LRRTM4: variants seen among roughly 807,000 people sequenced by gnomAD.
The protein encoded by LRRTM4 is leucine rich repeat transmembrane neuronal 4, also known as leucine-rich repeat transmembrane neuronal protein 4.
Under a neutral mutation model 47.6 loss-of-function variants are expected in LRRTM4, and 25 were observed. That is an observed-to-expected ratio of 0.53 (90% CI 0.38 to 0.73). The LOEUF is 0.73. LRRTM4 is among the 30% of genes least tolerant of loss of function. The pLI is 0.00. For synonymous variants in LRRTM4, 311 were observed against 269.5 expected, an observed-to-expected ratio of 1.15 and a Z score of -1.51; for missense variants, 638 against 713.4, an observed-to-expected ratio of 0.89 and a Z score of 1.20.
intron 3 of LRRTM4, among the ~76,000 whole-genome samples, chr2:76,913,415 T>C (rs748094214): frequency 4.6e-5 from 7 of 152,132 alleles, no homozygotes; most frequent in Non-Finnish European, 8.8e-5. Flanking sequence ...CTAAATATAT[T>C]ACTGAGTCTT....
chr2:77,368,801 T>C (rs550130128), intron 3 of LRRTM4, among the ~76,000 whole-genome samples: 3 of 151,838 alleles, frequency 2.0e-5, no homozygotes, highest in African/African-American at 4.8e-5. Context: ...CTGAAGTGAA[T>C]GTAGGAGTAT....
At chr2:77,027,719 TG>T (rs781657412) in intron 3 of LRRTM4, among the ~76,000 whole-genome samples, 35 of 152,154 alleles carry the variant, frequency 2.3e-4, no homozygotes, top group Non-Finnish European at 1.6e-4. Context: ...ATTGACTGTT[TG>T]GCTTTTAAAT....
chr2:77,441,288 C>T (rs1203480274), intron 3 of LRRTM4, among the ~76,000 whole-genome samples: 1 of 152,108 alleles, frequency 6.6e-6, no homozygotes, highest in Non-Finnish European at 1.5e-5. Flanking sequence ...GACCCGGTGC[C>T]TAGAACAGTA....
intron 3 of LRRTM4, among the ~76,000 whole-genome samples, chr2:77,128,493 T>C (rs1671712663): frequency 6.6e-6 from 1 of 152,162 alleles, no homozygotes; most frequent in Non-Finnish European, 1.5e-5. Flanking sequence ...TTTGTGACAG[T>C]CAGACTCTGA....
chr2:76,932,680 A>G (rs1674811006), intron 3 of LRRTM4, among the ~76,000 whole-genome samples: 1 of 152,028 alleles, frequency 6.6e-6, no homozygotes, highest in Non-Finnish European at 1.5e-5. Context: ...AAATATTTGT[A>G]TATATATGAC....
chr2:77,031,248 C>T (rs1157901460), intron 3 of LRRTM4, among the ~76,000 whole-genome samples: 1 of 152,034 alleles, frequency 6.6e-6, no homozygotes, highest in African/African-American at 2.4e-5. Context: ...GCTAAGTGTA[C>T]TATGCATTAA....
chr2:76,986,339 T>C (rs1676793801), intron 3 of LRRTM4, among the ~76,000 whole-genome samples: 1 of 151,990 alleles, frequency 6.6e-6, no homozygotes, highest in African/African-American at 2.4e-5. Context: ...TTTCATTTCA[T>C]AGTCTTTAAC....
intron 3 of LRRTM4, among the ~76,000 whole-genome samples, chr2:77,399,660 AT>A (rs1673863893): frequency 6.6e-6 from 1 of 151,938 alleles, no homozygotes; most frequent in African/African-American, 2.4e-5. Flanking sequence ...CAGTGATCGT[AT>A]GAATTAGGTT....
At chr2:77,105,603 T>C (rs1414520910) in intron 3 of LRRTM4, among the ~76,000 whole-genome samples, 1 of 152,164 alleles carries the variant, frequency 6.6e-6, no homozygotes, top group East Asian at 1.9e-4. Flanking sequence ...GGCACGTGTA[T>C]ACATACGTAA....
chr2:76,877,085 G>A (rs968272841), intron 3 of LRRTM4, among the ~76,000 whole-genome samples: 1 of 152,032 alleles, frequency 6.6e-6, no homozygotes, highest in South Asian at 2.1e-4. Context: ...ATATAGATGG[G>A]TCCTATAAAT....
At chr2:76,965,278 G>C (rs964273248) in intron 3 of LRRTM4, among the ~76,000 whole-genome samples, 8 of 151,216 alleles carry the variant, frequency 5.3e-5, no homozygotes. Flanking sequence ...TCTCTCTCAT[G>C]AACACAGATG....
chr2:77,095,833 G>T (rs906095095), intron 3 of LRRTM4, among the ~76,000 whole-genome samples: 1 of 152,102 alleles, frequency 6.6e-6, no homozygotes, highest in African/African-American at 2.4e-5. Flanking sequence ...CTTAAAAAGA[G>T]ATTCTGTCAT....
At chr2:77,278,640 T>C (rs1473310021) in intron 3 of LRRTM4, among the ~76,000 whole-genome samples, 1 of 151,910 alleles carries the variant, frequency 6.6e-6, no homozygotes, top group Admixed American at 6.6e-5. Context: ...ATGGTTAAGT[T>C]AGAGCAAAGG....
intron 3 of LRRTM4, among the ~76,000 whole-genome samples, chr2:76,810,831 G>T (rs1456072863): frequency 6.6e-6 from 1 of 152,068 alleles, no homozygotes; most frequent in Non-Finnish European, 1.5e-5. Flanking sequence ...GCTTTCTCAA[G>T]GAATTAAAAT....
chr2:77,200,162 C>G (rs528798041), intron 3 of LRRTM4, among the ~76,000 whole-genome samples: 112 of 152,138 alleles, frequency 7.4e-4, no homozygotes, highest in African/African-American at 2.6e-3. Flanking sequence ...TTAGGCATCT[C>G]TTGTGATTAA....
intron 3 of LRRTM4, among the ~76,000 whole-genome samples, chr2:77,245,556 G>T (rs1308113233): frequency 7.8e-6 from 1 of 128,318 alleles, no homozygotes; most frequent in South Asian, 2.5e-4. Context: ...AAGAGAAGAA[G>T]AGAAAGTTTA....
At chr2:76,951,480 A>C (rs1427130491) in intron 3 of LRRTM4, among the ~76,000 whole-genome samples, 1 of 152,042 alleles carries the variant, frequency 6.6e-6, no homozygotes, top group Non-Finnish European at 1.5e-5. Context: ...AAAGCAGGTC[A>C]CTGGACCACA....
intron 3 of LRRTM4, among the ~76,000 whole-genome samples, chr2:77,367,487 T>C (rs918409448): frequency 9.2e-5 from 14 of 151,868 alleles, no homozygotes; most frequent in African/African-American, 3.4e-4. Context: ...GGTGAAACTG[T>C]GGAATAGGTA....
At chr2:76,755,074 A>C (rs565727005) in intron 3 of LRRTM4, among the ~76,000 whole-genome samples, 1 of 152,308 alleles carries the variant, frequency 6.6e-6, no homozygotes, top group Non-Finnish European at 1.5e-5. Context: ...CCAGTAGAGC[A>C]GCTTCCATTA....
Sources: gnomAD v4.1 joint callset for allele counts (sites outside exome capture counted in the v4.1 genomes callset) on GRCh38, gnomAD v4.1.1 for gene constraint, MANE v1.5 for transcripts, NCBI Gene and HGNC (gene_info 2026-07-23, HGNC 2026-07-21) for gene names.